The following ENTHD1 variants were observed in gnomAD, a reference collection of about 807,000 sequenced individuals.
The protein encoded by ENTHD1 is ENTH domain-containing protein 1.
A neutral mutation model predicts 39.1 loss-of-function variants in ENTHD1; 23 were observed. That is an observed-to-expected ratio of 0.59 (90% CI 0.42 to 0.83). The LOEUF is 0.83. Among genes scored for constraint, ENTHD1 ranks in the 40% least tolerant of loss-of-function variants. The pLI, the probability that ENTHD1 is intolerant of heterozygous loss-of-function variation, is 0.00. For synonymous variants in ENTHD1, 230 were observed against 258.2 expected, an observed-to-expected ratio of 0.89 and a Z score of 1.05; for missense variants, 624 against 705.4, an observed-to-expected ratio of 0.88 and a Z score of 1.31.
intron 5 of ENTHD1, among the ~76,000 whole-genome samples, chr22:39,806,860 T>C (rs959136610): frequency 2.0e-5 from 3 of 151,938 alleles, no homozygotes; most frequent in African/African-American, 7.3e-5. Context: ...GACAAATGAA[T>C]AGGAATGGAG....
intron 2 of ENTHD1, among the ~76,000 whole-genome samples, chr22:39,882,716 C>T (rs1841016099): frequency 1.3e-5 from 2 of 151,982 alleles, no homozygotes; most frequent in Admixed American, 1.3e-4. Context: ...AGAAAATACA[C>T]AAAGAGGGCT....
At chr22:39,831,645 T>G (rs1204561485) in intron 4 of ENTHD1, among the ~76,000 whole-genome samples, 1 of 151,786 alleles carries the variant, frequency 6.6e-6, no homozygotes, top group African/African-American at 2.4e-5. Context: ...GCCAACATGG[T>G]GAAACCCCAT....
At chr22:39,775,912 G>GT (rs970482005) in intron 5 of ENTHD1, among the ~76,000 whole-genome samples, 4 of 152,106 alleles carry the variant, frequency 2.6e-5, no homozygotes, top group African/African-American at 9.7e-5. Flanking sequence ...TTTTTAAGGG[G>GT]TTGGGGGCAG....
intron 6 of ENTHD1, among the ~76,000 whole-genome samples, chr22:39,756,221 C>T (rs2065182898): frequency 6.6e-6 from 1 of 151,960 alleles, no homozygotes; most frequent in Non-Finnish European, 1.5e-5. Context: ...AATTTATCAA[C>T]AGAGAAATAC....
chr22:39,780,002 G>A (rs941685823), intron 5 of ENTHD1, among the ~76,000 whole-genome samples: 1 of 151,980 alleles, frequency 6.6e-6, no homozygotes, highest in Non-Finnish European at 1.5e-5. Context: ...TCACTTAACC[G>A]CAAAAGAAGA....
chr22:39,859,293 C>T (rs1173733311), intron 3 of ENTHD1, among the ~76,000 whole-genome samples: 1 of 152,176 alleles, frequency 6.6e-6, no homozygotes, highest in Admixed American at 6.5e-5. Flanking sequence ...AGCTGTTTCC[C>T]ATTCTTATCA....
chr22:39,753,127 C>T (rs1413449608), intron 6 of ENTHD1, among the ~76,000 whole-genome samples: 1 of 152,146 alleles, frequency 6.6e-6, no homozygotes, highest in Non-Finnish European at 1.5e-5. Flanking sequence ...ACAATGCCTA[C>T]CACTATCCAA....
At chr22:39,793,337 A>AGTT (rs139551423) in intron 5 of ENTHD1, among the ~76,000 whole-genome samples, 14,288 of 146,510 alleles carry the variant, frequency 0.098, 779 homozygotes, top group Middle Eastern at 0.13. Context: ...TGGGATTATT[A>AGTT]GTTGTTTTTT....
At position 39,876,201 on chromosome 22, in the gene ENTHD1, T is replaced by C. The variant is rs977851331; in HGVS notation, c.349+11199A>G. ...GAGAGGAAGCCTTCTGTACTTGAAGTTGATTTGAAATATGTAAGAATTGAT... is the reference window on the plus strand; with the variant it reads ...GAGAGGAAGCCTTCTGTACTTGAAGCTGATTTGAAATATGTAAGAATTGAT... On this transcript the variant is annotated intron_variant, in intron 2 of 6. Transcript: ENST00000325157. 1.8e-4 allele frequency: 247 copies of C among 1,387,664 alleles called. 4 individuals carry two copies. The South Asian group carries it at 2.9e-3, about 16-fold the overall frequency. The allele number at this position is 1,387,664 out of a possible 1,614,324, so 86.0% of individuals were successfully genotyped here. A position where few individuals can be genotyped will look rare whatever the true frequency, so the allele number is the denominator to read the frequency against.
At chr22:39,800,188 C>G (rs1400627522) in intron 5 of ENTHD1, among the ~76,000 whole-genome samples, 3 of 152,242 alleles carry the variant, frequency 2.0e-5, no homozygotes, top group Non-Finnish European at 4.4e-5. Context: ...TGGGGAGCCT[C>G]TCCAAGCTCC....
At chr22:39,781,059 T>C (rs1216809155) in intron 5 of ENTHD1, among the ~76,000 whole-genome samples, 2 of 150,630 alleles carry the variant, frequency 1.3e-5, no homozygotes, top group Non-Finnish European at 3.0e-5. Flanking sequence ...CAAATAATAT[T>C]AGAGGACTTT....
At chr22:39,837,692 T>G (rs2065916344) in intron 3 of ENTHD1, among the ~76,000 whole-genome samples, 1 of 152,218 alleles carries the variant, frequency 6.6e-6, no homozygotes, top group Admixed American at 6.5e-5. Context: ...TTGTTTAATG[T>G]CCTTGTGTTT....
At chr22:39,861,430 C>T (rs137956300) in intron 3 of ENTHD1, among the ~76,000 whole-genome samples, 3,220 of 152,212 alleles carry the variant, frequency 0.021, 40 homozygotes, top group Non-Finnish European at 0.033. Context: ...ATCCCAGCTA[C>T]TCAGGAGGCT....
At chr22:39,861,551 A>C (rs1339855108) in intron 3 of ENTHD1, among the ~76,000 whole-genome samples, 1 of 152,144 alleles carries the variant, frequency 6.6e-6, no homozygotes, top group East Asian at 1.9e-4. Flanking sequence ...AAAATAAATA[A>C]ATAAATAAAT....
At chr22:39,781,974 T>C (rs1055155458) in intron 5 of ENTHD1, among the ~76,000 whole-genome samples, 3 of 151,536 alleles carry the variant, frequency 2.0e-5, no homozygotes, top group African/African-American at 4.8e-5. Context: ...AAACAGAAAA[T>C]CTCAATAAGC....
chr22:39,836,258 T>C (rs2065907337), intron 3 of ENTHD1, among the ~76,000 whole-genome samples: 1 of 152,168 alleles, frequency 6.6e-6, no homozygotes, highest in African/African-American at 2.4e-5. Context: ...TTTGATTGAC[T>C]GCATACTAAC....
intron 2 of ENTHD1, chr22:39,875,988 G>A: frequency 6.2e-7 from 1 of 1,613,918 alleles, no homozygotes; most frequent in Non-Finnish European, 8.5e-7. Flanking sequence ...GATTTTGGTG[G>A]TTATTACTGC....
chr22:39,853,067 C>T (rs373463419), intron 3 of ENTHD1, among the ~76,000 whole-genome samples: 5 of 152,166 alleles, frequency 3.3e-5, no homozygotes, highest in South Asian at 2.1e-4. Flanking sequence ...ACAACATCAA[C>T]GTTGCTGTTT....
At position 39,765,347 on chromosome 22, in the gene ENTHD1, G is replaced by C; in HGVS notation, c.1095C>G (p.Leu365=). Residue 365 remains leucine, a synonymous_variant, in exon 6 of 7, where the codon CTC becomes CTG. Transcript: ENST00000325157. The stretch of plus-strand genomic sequence containing the variant: ...ATATTTTGAATGAGGGAGAGAGACA[G>C]AGTGTTTCTACAGAGGCCTGGTTAT... ...TFHNQASVET[L]CLSPSFKIFD... The C allele has an allele frequency of 6.2e-7, 1 of 1,613,966 alleles. No homozygotes were observed. The highest frequency in any genetic ancestry group is 8.5e-7 in the Non-Finnish European group (1 of 1,179,958).
Sources: gnomAD v4.1 joint callset for allele counts (sites outside exome capture counted in the v4.1 genomes callset) on GRCh38, gnomAD v4.1.1 for gene constraint, MANE v1.5 for transcripts, NCBI Gene and HGNC (gene_info 2026-07-23, HGNC 2026-07-21) for gene names.